Variants in INF2 observed in about 807,000 individuals in gnomAD.
The protein encoded by INF2 is inverted formin-2.
In INF2, 43 loss-of-function variants were observed where a neutral mutation model predicts 123.5. That is an observed-to-expected ratio of 0.35 (90% CI 0.27 to 0.45). The LOEUF (loss-of-function observed/expected upper bound fraction) is 0.45, where lower values mean the gene tolerates loss of function less well. Ranked by LOEUF, INF2 falls within the 20% of genes least tolerant of loss-of-function variation. The pLI, the probability that INF2 is intolerant of heterozygous loss-of-function variation, is 1.00. For synonymous variants in INF2, 851 were observed against 745.0 expected (o/e 1.14, Z -2.32); for missense variants, 1,453 against 1,682.7 (o/e 0.86, Z 2.39).
chr14:104,704,134 T>A (rs1889666462), intron 5 of INF2, 185 bp downstream of exon 5: 1 of 1,453,486 alleles, frequency 6.9e-7, no homozygotes, highest in African/African-American at 1.4e-5. Flanking sequence ...CAGCTCACTG[T>A]CCCTGGCAGC....
At chr14:104,690,073 G>A (rs3922890) in intron 1 of INF2, 32,279 of 152,264 alleles carry the variant, frequency 0.21, 3,843 homozygotes, top group Non-Finnish European at 0.27. Context: ...GCCACATCCT[G>A]ACCATGAATC....
chr14:104,711,807 C>T lies in INF2; in HGVS notation c.2489+108C>T. The T allele has an allele frequency of 1.9e-6, 2 of 1,027,150 alleles. 1 individual carries two copies. The highest frequency in any genetic ancestry group is 2.9e-5 in the South Asian group (2 of 69,860). 63.6% of individuals were successfully genotyped at this position (1,027,150 alleles called of 1,614,324 possible). A position where few individuals can be genotyped will look rare whatever the true frequency, so the allele number is the denominator to read the frequency against. Reference sequence around the variant, plus strand: ...AGGGCTGGGTCTCACAGCTGCAGCGCAGCCCCGGCGCCACGGAGCCCTGCC... The same window carrying T: ...AGGGCTGGGTCTCACAGCTGCAGCGTAGCCCCGGCGCCACGGAGCCCTGCC... On this transcript the variant is annotated intron_variant, in intron 16 of 22. Transcript: ENST00000392634.
At chr14:104,685,944 G>A (rs1219488624), upstream of INF2, among the ~76,000 whole-genome samples, 2 of 134,588 alleles carry the variant, frequency 1.5e-5, no homozygotes, top group Non-Finnish European at 1.6e-5. Flanking sequence ...GGGTGGGTAA[G>A]TGGGGGGATG....
chr14:104,708,830 G>A (rs761962190), intron 10 of INF2, 98 bp downstream of exon 10: 396 of 1,241,500 alleles, frequency 3.2e-4, no homozygotes, highest in Non-Finnish European at 4.5e-4. Flanking sequence ...AGGCCGCCAT[G>A]GGAAGTGCAC....
intron 1 of INF2, among the ~76,000 whole-genome samples, chr14:104,682,674 C>T (rs2140568295): frequency 6.6e-6 from 1 of 152,254 alleles, no homozygotes; most frequent in Admixed American, 6.5e-5. Flanking sequence ...TGATATACTT[C>T]CAAGCTAGCA....
intron 19 of INF2, 23 bp downstream of exon 19, chr14:104,713,332 G>T: frequency 1.3e-6 from 2 of 1,551,526 alleles, no homozygotes; most frequent in Non-Finnish European, 8.7e-7. Flanking sequence ...CGGCTGGGCG[G>T]GGAGGGGGTG....
At chr14:104,686,471 TGAA>T (rs1888667878), upstream of INF2, among the ~76,000 whole-genome samples, 27 of 151,482 alleles carry the variant, frequency 1.8e-4, no homozygotes, top group Admixed American at 1.8e-3. Context: ...AACAGACGGA[TGAA>T]GTGTGGGTGT....
rs918447258 is a variant in INF2 at position 104,693,895 on chromosome 14, G to A, written c.-10+4156G>A. Among the ~76,000 whole-genome samples, 23 of 152,324 alleles carry A rather than the reference G, an allele frequency of 1.5e-4. No individual in the cohort carries two copies. In the East Asian group the frequency reaches 2.1e-3, roughly 14 times the overall value. On this transcript the variant is annotated intron_variant, in intron 1 of 22. Coordinates refer to ENST00000392634, the MANE Select transcript of INF2 (RefSeq NM_022489.4). ...TGCTCCAGGCACAGCTCAGACTGTC[G>A]CCTGCACCCAGCCTACGCTGGGAGG...
intron 10 of INF2, 67 bp from the exon 11 acceptor site, chr14:104,709,214 C>G (rs1379206710): frequency 7.9e-7 from 1 of 1,266,662 alleles, no homozygotes; most frequent in Non-Finnish European, 1.1e-6. Context: ...CAGGTGGGGT[C>G]CCAAAGAGGC....
chr14:104,721,380 A>C lies in INF2; in HGVS notation c.*2587A>C, dbSNP rs1406828026. On this transcript the variant is annotated 3_prime_UTR_variant, in exon 23 of 23. Coordinates refer to ENST00000392634, the MANE Select transcript of INF2 (RefSeq NM_022489.4). ...TGGACGTCTGCGTAGTCTCGTGTGG[A>C]TGCTGCTGTGGACGTCTGCGTCGTC... is the stretch of plus-strand genomic sequence containing the variant. 1 of 152,756 alleles carries C rather than the reference A, an allele frequency of 6.5e-6. No homozygotes were observed. The highest frequency in any genetic ancestry group is 2.0e-4 in the East Asian group (1 of 4,916). The allele number at this position is 152,756 out of a possible 1,614,324, so 9.5% of individuals were successfully genotyped here.
At chr14:104,709,238 C>T in intron 10 of INF2, 43 bp from the exon 11 acceptor site, 2 of 1,468,012 alleles carry the variant, frequency 1.4e-6, no homozygotes, top group South Asian at 2.3e-5. Flanking sequence ...GTGGGGGTGA[C>T]TCATGATTCA....
Position 104,711,717 on chromosome 14 carries a change from G to A in INF2, c.2489+18G>A. The A allele has an allele frequency of 6.2e-7, 1 of 1,610,432 alleles. No individual in the cohort carries two copies. The highest frequency in any genetic ancestry group is 8.5e-7 in the Non-Finnish European group (1 of 1,178,454). On this transcript the variant is annotated intron_variant, in intron 16 of 22. Transcript: ENST00000392634. ...GCAGCAGGGTAGGTAGCTCCTGCCA[G>A]CCCGCCCACCTCAGCCAGGTGGGGG...
chr14:104,685,501 C>T (rs568797346), upstream of INF2, among the ~76,000 whole-genome samples: 9 of 151,438 alleles, frequency 5.9e-5, no homozygotes, highest in African/African-American at 1.5e-4. Context: ...TGACTGGGGG[C>T]GGTCGTGTCC....
chr14:104,715,918 T>C (rs1398832720), intron 22 of INF2: 1 of 455,954 alleles, frequency 2.2e-6, no homozygotes, highest in Non-Finnish European at 4.4e-6. Flanking sequence ...TTGGACAGTG[T>C]CCTCCCACCC....
At chr14:104,682,603 C>T (rs886897533) in intron 1 of INF2, among the ~76,000 whole-genome samples, 35 of 152,218 alleles carry the variant, frequency 2.3e-4, no homozygotes, top group South Asian at 1.0e-3. Flanking sequence ...GAGGGGAGAA[C>T]GCAGGCCAGA....
At chr14:104,697,887 C>CG (rs58831678) in intron 1 of INF2, among the ~76,000 whole-genome samples, 9,791 of 151,908 alleles carry the variant, frequency 0.064, 367 homozygotes, top group Non-Finnish European at 0.083. Context: ...GGTGGACTGC[C>CG]GGGGGGGGTG....
chr14:104,691,526 T>G (rs974771310), intron 1 of INF2, among the ~76,000 whole-genome samples: 5 of 152,120 alleles, frequency 3.3e-5, no homozygotes, highest in Non-Finnish European at 5.9e-5. Flanking sequence ...AGGTGTGTGG[T>G]TCATGGCCCA....
intron 13 of INF2, 38 bp downstream of exon 13, chr14:104,710,226 C>G: frequency 3.4e-6 from 5 of 1,453,860 alleles, no homozygotes; most frequent in Non-Finnish European, 4.7e-6. Context: ...GCAGGAGGGA[C>G]AGGCCTCCGA....
chr14:104,708,084 G>A (rs946844637), intron 8 of INF2, 82 bp downstream of exon 8: 1 of 1,586,860 alleles, frequency 6.3e-7, no homozygotes, highest in Non-Finnish European at 8.5e-7. Context: ...GGTGGCACAT[G>A]GAACTTGTGT....
Sources: gnomAD v4.1 joint callset for allele counts (sites outside exome capture counted in the v4.1 genomes callset) on GRCh38, gnomAD v4.1.1 for gene constraint, MANE v1.5 for transcripts, NCBI Gene and HGNC (gene_info 2026-07-23, HGNC 2026-07-21) for gene names.